Variants in IPMK observed in about 807,000 individuals in gnomAD.
The protein encoded by IPMK is inositol polyphosphate multikinase, also known as inositol 1,3,4,6-tetrakisphosphate 5-kinase.
Under a neutral mutation model 45.8 loss-of-function variants are expected in IPMK, and 17 were observed. The ratio of observed to expected loss-of-function variants is 0.37; its 90% CI spans 0.25 to 0.56. The LOEUF (loss-of-function observed/expected upper bound fraction) is 0.56. Ranked by LOEUF, IPMK falls within the 20% of genes least tolerant of loss-of-function variation. The pLI is 0.79. For synonymous variants in IPMK, 180 were observed against 184.3 expected (o/e 0.98, Z 0.19); for missense variants, 399 against 498.0 (o/e 0.80, Z 1.89).
At chr10:58,250,654 T>G (rs887552116) in intron 1 of IPMK, among the ~76,000 whole-genome samples, 2 of 152,166 alleles carry the variant, frequency 1.3e-5, no homozygotes, top group South Asian at 2.1e-4. Context: ...CTTTCTTATT[T>G]CCTTCTCTAG....
intron 1 of IPMK, among the ~76,000 whole-genome samples, chr10:58,259,880 T>C (rs961034876): frequency 1.7e-4 from 26 of 151,996 alleles, no homozygotes; most frequent in African/African-American, 6.3e-4. Context: ...GAATGATAGT[T>C]AGAATATTAC....
chr10:58,217,800 A>G (rs1838269762), intron 3 of IPMK, among the ~76,000 whole-genome samples: 1 of 152,028 alleles, frequency 6.6e-6, no homozygotes. Flanking sequence ...AGAAAAGATT[A>G]CTATCAGTGA....
chr10:58,245,205 C>A (rs1407119303), intron 1 of IPMK, among the ~76,000 whole-genome samples: 2 of 151,862 alleles, frequency 1.3e-5, no homozygotes, highest in Non-Finnish European at 2.9e-5. Context: ...CATGATTACA[C>A]TTATAGGAGA....
chr10:58,246,150 AAG>A (rs1838796896), intron 1 of IPMK, among the ~76,000 whole-genome samples: 1 of 133,852 alleles, frequency 7.5e-6, no homozygotes, highest in Non-Finnish European at 1.5e-5. Context: ...AAGGAAATAA[AAG>A]AGGATACAAA....
rs536502032 is a variant in IPMK, at chr10:58,247,415, A to G, written c.191-9601T>C. Reference sequence around the variant, plus strand: ...GACTTGGAACCAACCCAAATGTCCAACAATGATAGACTGGATTAAGAAAAT... The same window carrying G: ...GACTTGGAACCAACCCAAATGTCCAGCAATGATAGACTGGATTAAGAAAAT... On this transcript the variant is annotated intron_variant, in intron 1 of 5. Transcript: ENST00000373935. Among the ~76,000 whole-genome samples the G allele has an allele frequency of 3.5e-3, 529 of 151,534 alleles. 6 individuals are homozygous for G. The highest frequency in any genetic ancestry group is 0.012 in the African/African-American group (495 of 40,980).
chr10:58,215,082 T>C (rs933887681), intron 4 of IPMK, among the ~76,000 whole-genome samples: 2 of 71,102 alleles, frequency 2.8e-5, no homozygotes, highest in Non-Finnish European at 4.8e-5. Context: ...AATGTGGTAC[T>C]TCAAAATTAA....
intron 1 of IPMK, among the ~76,000 whole-genome samples, chr10:58,241,369 C>T (rs2590325): frequency 0.34 from 51,479 of 151,934 alleles, 10,969 homozygotes; most frequent in African/African-American, 0.61. Flanking sequence ...GGGAGGGGCA[C>T]GAACATAGAG....
In IPMK at chr10:58,231,533, A is replaced by T. The variant is rs188276173; in HGVS notation, c.277-4394T>A. Among the ~76,000 whole-genome samples, 67 of 152,326 alleles carry T rather than the reference A, an allele frequency of 4.4e-4. 1 individual carries two copies. The highest frequency in any genetic ancestry group is 9.1e-4 in the Admixed American group (14 of 15,306). On this transcript the variant is annotated intron_variant, in intron 2 of 5. Coordinates refer to ENST00000373935, the MANE Select transcript of IPMK (RefSeq NM_152230.5). ...GTGGAGGCCAACATTCAACATACTT[A>T]AAGAAAAGAATTTTCAACCCAGAAT...
intron 1 of IPMK, among the ~76,000 whole-genome samples, chr10:58,253,754 A>AAAAAAAAAAAAAAAAAG (rs1838921566): frequency 2.8e-5 from 4 of 143,412 alleles, no homozygotes; most frequent in African/African-American, 1.1e-4. Flanking sequence ...AAAAAAAGAA[A>AAAAAAAAAAAAAAAAAG]AAAAAAGAAA....
chr10:58,246,267 T>C (rs1178237996), intron 1 of IPMK, among the ~76,000 whole-genome samples: 2 of 151,014 alleles, frequency 1.3e-5, no homozygotes, highest in African/African-American at 4.9e-5. Context: ...CTCATCAAGC[T>C]ACCAATGACT....
intron 4 of IPMK, among the ~76,000 whole-genome samples, chr10:58,209,596 A>G (rs984111048): frequency 3.3e-5 from 5 of 152,178 alleles, no homozygotes; most frequent in African/African-American, 9.6e-5. Flanking sequence ...CTGTGATGCG[A>G]TCAGTCTTCA....
chr10:58,232,760 A>G (rs1218500870), intron 2 of IPMK, among the ~76,000 whole-genome samples: 2 of 152,240 alleles, frequency 1.3e-5, no homozygotes, highest in Non-Finnish European at 2.9e-5. Flanking sequence ...CTAACGTCAC[A>G]ATTAAAAGAA....
chr10:58,199,160 C>T, intron 5 of IPMK, 80 bp downstream of exon 5: 26 of 797,760 alleles, frequency 3.3e-5, no homozygotes, highest in South Asian at 3.9e-5. Flanking sequence ...ATCACTTTTC[C>T]AAATGACAAC....
chr10:58,213,669 G>C (rs1198530674), intron 4 of IPMK, among the ~76,000 whole-genome samples: 1 of 150,048 alleles, frequency 6.7e-6, no homozygotes, highest in Non-Finnish European at 1.5e-5. Flanking sequence ...CTGGGCGACA[G>C]AGCGAGACTC....
chr10:58,215,583 G>T (rs142596126), intron 4 of IPMK, among the ~76,000 whole-genome samples: 1 of 151,642 alleles, frequency 6.6e-6, no homozygotes, highest in Non-Finnish European at 1.5e-5. Context: ...GCTGGTTTTT[G>T]CATTTTTGTA....
chr10:58,225,026 C>T (rs908477825), intron 3 of IPMK, among the ~76,000 whole-genome samples: 1 of 152,138 alleles, frequency 6.6e-6, no homozygotes, highest in Non-Finnish European at 1.5e-5. Flanking sequence ...CCAGAGCTAA[C>T]AAAGTAGGAA....
intron 1 of IPMK, among the ~76,000 whole-genome samples, chr10:58,261,591 G>GTT (rs774794434): frequency 3.5e-5 from 5 of 142,370 alleles, no homozygotes; most frequent in African/African-American, 7.7e-5. Flanking sequence ...ACTTTTGTTT[G>GTT]TTTTTTTTTT....
chr10:58,263,517 C>A lies in IPMK; in HGVS notation c.190+3905G>T, dbSNP rs530575446. On this transcript the variant is annotated intron_variant, in intron 1 of 5. Coordinates refer to ENST00000373935, the MANE Select transcript of IPMK (RefSeq NM_152230.5). ...CCAGCCTGGGCAACAGAGCAAGACTCCGTTAAAAAAAAAAAAAATTAGCCT... is the reference window on the plus strand; with the variant it reads ...CCAGCCTGGGCAACAGAGCAAGACTACGTTAAAAAAAAAAAAAATTAGCCT... Among the ~76,000 whole-genome samples, 40 of 130,256 alleles carry A rather than the reference C, an allele frequency of 3.1e-4. No homozygotes were observed. In the East Asian group the frequency reaches 9.2e-3, roughly 30 times the overall value. 85.5% of individuals were successfully genotyped at this position (130,256 alleles called of 152,430 possible). A position where few individuals can be genotyped will look rare whatever the true frequency, so the allele number is the denominator to read the frequency against.
chr10:58,245,909 T>G (rs1236205739), intron 1 of IPMK, among the ~76,000 whole-genome samples: 1 of 128,552 alleles, frequency 7.8e-6, no homozygotes, highest in East Asian at 2.4e-4. Context: ...AAAACCCCAC[T>G]GTCTCAGCCC....
Sources: allele counts gnomAD v4.1 joint callset (sites outside exome capture counted in the v4.1 genomes callset), GRCh38; gene constraint gnomAD v4.1.1; transcripts MANE v1.5; gene names NCBI Gene and HGNC (gene_info 2026-07-23, HGNC 2026-07-21).